NIBAN1: variants seen among roughly 807,000 people sequenced by gnomAD.
NIBAN1 encodes the protein protein Niban 1.
In NIBAN1, 81 loss-of-function variants were observed where a neutral mutation model predicts 75.1. The ratio of observed to expected loss-of-function variants is 1.08; its 90% CI spans 0.90 to 1.30. NIBAN1 has a LOEUF of 1.30. Ranked by LOEUF, NIBAN1 falls within the 50% of genes most tolerant of loss-of-function variation. NIBAN1 has a pLI of 0.00. For missense variants in NIBAN1, 1,133 were observed against 1,128.1 expected (o/e 1.00, Z -0.06); for synonymous variants, 436 against 424.8 (o/e 1.03, Z -0.32).
At chr1:184,938,449 C>CT (rs1421695469) in intron 1 of NIBAN1, among the ~76,000 whole-genome samples, 4 of 151,714 alleles carry the variant, frequency 2.6e-5, no homozygotes, top group Non-Finnish European at 5.9e-5. Flanking sequence ...CTTTTTGTTT[C>CT]TTTTTTTGTC....
chr1:184,819,660 G>T (rs1654640554), intron 8 of NIBAN1, among the ~76,000 whole-genome samples: 1 of 152,198 alleles, frequency 6.6e-6, no homozygotes, highest in African/African-American at 2.4e-5. Context: ...GCCTGAGCTT[G>T]CTCCGTGGAC....
chr1:184,933,157 C>T (rs1657869491), intron 1 of NIBAN1, among the ~76,000 whole-genome samples: 1 of 152,176 alleles, frequency 6.6e-6, no homozygotes, highest in South Asian at 2.1e-4. Flanking sequence ...AAGTAGACTG[C>T]CATTCTGACA....
At chr1:184,888,747 AT>A (rs1656594842) in intron 4 of NIBAN1, among the ~76,000 whole-genome samples, 1 of 152,182 alleles carries the variant, frequency 6.6e-6, no homozygotes, top group African/African-American at 2.4e-5. Flanking sequence ...GGCTGATTTC[AT>A]TGGAAAGTTT....
At chr1:184,950,569 T>C (rs977608881) in intron 1 of NIBAN1, among the ~76,000 whole-genome samples, 4 of 152,208 alleles carry the variant, frequency 2.6e-5, no homozygotes, top group Non-Finnish European at 4.4e-5. Flanking sequence ...GTCAAGAAGA[T>C]GCTTATGCAA....
intron 9 of NIBAN1, among the ~76,000 whole-genome samples, chr1:184,816,115 G>A (rs889110867): frequency 9.9e-5 from 15 of 152,064 alleles, no homozygotes; most frequent in Middle Eastern, 3.4e-3. Flanking sequence ...TTAGTCAAGC[G>A]AGTAGACTCT....
At chr1:184,896,147 T>G (rs1368717479) in intron 2 of NIBAN1, among the ~76,000 whole-genome samples, 1 of 152,178 alleles carries the variant, frequency 6.6e-6, no homozygotes, top group Non-Finnish European at 1.5e-5. Flanking sequence ...CTATTTTCCG[T>G]AGGGGTTGAA....
intron 5 of NIBAN1, among the ~76,000 whole-genome samples, chr1:184,863,687 C>T (rs1655876114): frequency 6.6e-6 from 1 of 152,068 alleles, no homozygotes; most frequent in East Asian, 1.9e-4. Flanking sequence ...TAAACATAAC[C>T]CAGTTTTCTC....
intron 5 of NIBAN1, among the ~76,000 whole-genome samples, chr1:184,873,742 C>T (rs1656168015): frequency 6.6e-6 from 1 of 152,072 alleles, no homozygotes; most frequent in African/African-American, 2.4e-5. Flanking sequence ...GAAATTTTCT[C>T]TTTGTTTTCT....
At chr1:184,937,033 T>A (rs1006368366) in intron 1 of NIBAN1, among the ~76,000 whole-genome samples, 5 of 152,050 alleles carry the variant, frequency 3.3e-5, no homozygotes, top group African/African-American at 1.2e-4. Context: ...TTCTTCCTTA[T>A]ACGGGCGCAT....
At chr1:184,899,608 T>C (rs1255473461) in intron 1 of NIBAN1, among the ~76,000 whole-genome samples, 1 of 152,046 alleles carries the variant, frequency 6.6e-6, no homozygotes, top group Non-Finnish European at 1.5e-5. Flanking sequence ...CTATTGAGTT[T>C]TGCTTTATTT....
chr1:184,963,969 G>T (rs1319299404), intron 1 of NIBAN1, among the ~76,000 whole-genome samples: 1 of 151,786 alleles, frequency 6.6e-6, no homozygotes, highest in Non-Finnish European at 1.5e-5. Context: ...TTGCCCTTTG[G>T]TTATTAAGAT....
At chr1:184,901,173 A>G (rs1656945978) in intron 1 of NIBAN1, among the ~76,000 whole-genome samples, 1 of 152,164 alleles carries the variant, frequency 6.6e-6, no homozygotes. Context: ...TTATACTATA[A>G]ATGAGGTAAA....
At chr1:184,823,501 G>A in intron 7 of NIBAN1, 137 bp downstream of exon 7, 2 of 1,228,184 alleles carry the variant, frequency 1.6e-6, no homozygotes, top group African/African-American at 3.0e-5. Context: ...TTGTAAGTGA[G>A]ACTCAGCAGG....
intron 1 of NIBAN1, among the ~76,000 whole-genome samples, chr1:184,936,324 G>A (rs892801551): frequency 2.0e-5 from 3 of 152,156 alleles, no homozygotes; most frequent in African/African-American, 7.2e-5. Flanking sequence ...TGATCCCCTG[G>A]AGAGTGAAGG....
intron 2 of NIBAN1, among the ~76,000 whole-genome samples, chr1:184,894,438 G>A (rs930285466): frequency 1.3e-5 from 2 of 152,098 alleles, no homozygotes; most frequent in Admixed American, 1.3e-4. Flanking sequence ...CCTCTATTAT[G>A]CTATAGGAAC....
chr1:184,952,658 C>T (rs1436058074), intron 1 of NIBAN1, among the ~76,000 whole-genome samples: 1 of 152,230 alleles, frequency 6.6e-6, no homozygotes, highest in Non-Finnish European at 1.5e-5. Context: ...TCCCGGGCCA[C>T]ATGCAGCCCA....
chr1:184,858,607 T>C (rs1199485489), intron 5 of NIBAN1, among the ~76,000 whole-genome samples: 1 of 152,156 alleles, frequency 6.6e-6, no homozygotes, highest in African/African-American at 2.4e-5. Context: ...TGTAGAAATA[T>C]GAAATTTTAT....
chr1:184,837,420 A>T (rs909258084), intron 5 of NIBAN1, among the ~76,000 whole-genome samples: 10 of 152,332 alleles, frequency 6.6e-5, no homozygotes, highest in Admixed American at 5.9e-4. Context: ...GGATGAGGAA[A>T]CTGGAACAAG....
intron 5 of NIBAN1, among the ~76,000 whole-genome samples, chr1:184,844,377 A>C (rs686534): frequency 0.58 from 88,069 of 152,032 alleles, 25,999 homozygotes; most frequent in African/African-American, 0.67. Context: ...TGATGATGCT[A>C]TCTGGGAATA....
Sources: allele counts gnomAD v4.1 joint callset (sites outside exome capture counted in the v4.1 genomes callset), GRCh38; gene constraint gnomAD v4.1.1; transcripts MANE v1.5; gene names NCBI Gene and HGNC (gene_info 2026-07-23, HGNC 2026-07-21).